Variants in GPC5 observed in about 807,000 individuals in gnomAD.
The protein encoded by GPC5 is glypican 5.
Under a neutral mutation model 53.9 loss-of-function variants are expected in GPC5, and 47 were observed. The ratio of observed to expected loss-of-function variants is 0.87; its 90% CI spans 0.69 to 1.11. GPC5 has a LOEUF of 1.11. GPC5 is among the 50% of genes most tolerant of loss of function. The probability of loss-of-function intolerance (pLI) is 0.00; values close to 1 mark genes in which losing one functional copy is unlikely to be tolerated. For missense variants in GPC5, 748 were observed against 713.1 expected (o/e 1.05, Z -0.56); for synonymous variants, 286 against 263.3 (o/e 1.09, Z -0.84).
intron 7 of GPC5, among the ~76,000 whole-genome samples, chr13:92,267,352 A>G (rs983539211): frequency 1.3e-5 from 2 of 152,056 alleles, no homozygotes; most frequent in Non-Finnish European, 1.5e-5. Flanking sequence ...TCTCATAATA[A>G]TTTCCATCCT....
In GPC5 at chr13:91,592,364, C is replaced by G. The variant is rs189674687; in HGVS notation, c.326-100823C>G. Among the ~76,000 whole-genome samples the G allele has an allele frequency of 1.2e-3, 181 of 152,260 alleles. 1 individual carries two copies. The highest frequency in any genetic ancestry group is 4.2e-3 in the African/African-American group (175 of 41,548). ...GGAGGAAGAGAGGTAACCTCCTCACCAGGTCTGCTCCCGAGCCTTGTCAGA... is the reference window on the plus strand; with the variant it reads ...GGAGGAAGAGAGGTAACCTCCTCACGAGGTCTGCTCCCGAGCCTTGTCAGA... On this transcript the variant is annotated intron_variant, in intron 2 of 7. Coordinates refer to ENST00000377067, the MANE Select transcript of GPC5 (RefSeq NM_004466.6).
intron 7 of GPC5, among the ~76,000 whole-genome samples, chr13:92,627,535 T>G (rs76854222): frequency 6.6e-6 from 1 of 152,208 alleles, no homozygotes. Flanking sequence ...TGCACTAATA[T>G]CTACTGTTGC....
chr13:92,804,254 GTAA>G (rs1486125552), intron 7 of GPC5, among the ~76,000 whole-genome samples: 1 of 151,892 alleles, frequency 6.6e-6, no homozygotes, highest in Non-Finnish European at 1.5e-5. Flanking sequence ...AAGCACCGTG[GTAA>G]TAAACAGGCT....
chr13:91,830,336 T>C (rs2038636340), intron 5 of GPC5, among the ~76,000 whole-genome samples: 1 of 152,094 alleles, frequency 6.6e-6, no homozygotes, highest in Non-Finnish European at 1.5e-5. Flanking sequence ...TGTTATCCTG[T>C]TCTTTTTTCA....
chr13:91,533,846 C>A (rs9589280), intron 2 of GPC5, among the ~76,000 whole-genome samples: 2 of 152,120 alleles, frequency 1.3e-5, no homozygotes, highest in African/African-American at 4.8e-5. Flanking sequence ...ACAACATACT[C>A]CTTCCAAGTC....
At chr13:92,530,261 C>T (rs555158392) in intron 7 of GPC5, among the ~76,000 whole-genome samples, 1 of 152,146 alleles carries the variant, frequency 6.6e-6, no homozygotes, top group South Asian at 2.1e-4. Context: ...TTAAAAAGTG[C>T]TACTTTTTTC....
At chr13:92,195,985 A>G (rs902649972) in intron 7 of GPC5, among the ~76,000 whole-genome samples, 5 of 152,206 alleles carry the variant, frequency 3.3e-5, no homozygotes, top group Non-Finnish European at 4.4e-5. Flanking sequence ...GCCCTTTGGC[A>G]TGGAACTGCC....
At chr13:92,374,879 A>T (rs1298992910) in intron 7 of GPC5, among the ~76,000 whole-genome samples, 1 of 150,626 alleles carries the variant, frequency 6.6e-6, no homozygotes, top group African/African-American at 2.4e-5. Flanking sequence ...GAAAAAAAAA[A>T]TAAAAAAAAA....
chr13:92,544,280 GA>G (rs1489807477), intron 7 of GPC5, among the ~76,000 whole-genome samples: 1 of 152,036 alleles, frequency 6.6e-6, no homozygotes, highest in Non-Finnish European at 1.5e-5. Context: ...AACTGTTTCT[GA>G]AGCCTCATCC....
At position 92,826,291 on chromosome 13, in the gene GPC5, C is replaced by A. The variant is rs78665720; in HGVS notation, c.1562-39991C>A. On this transcript the variant is annotated intron_variant, in intron 7 of 7. Coordinates refer to ENST00000377067, the MANE Select transcript of GPC5 (RefSeq NM_004466.6). ...AGGGAGAATGCCCTCCAAAGAGGAA[C>A]GTGGTCTTTCTTGAAGAACAATTCT... is the stretch of plus-strand genomic sequence containing the variant. Among the ~76,000 whole-genome samples the A allele has an allele frequency of 2.3e-3, 355 of 152,224 alleles. 2 individuals are homozygous for A. The highest frequency in any genetic ancestry group is 7.9e-3 in the African/African-American group (327 of 41,538).
chr13:92,617,932 C>A (rs1047068153), intron 7 of GPC5, among the ~76,000 whole-genome samples: 1 of 152,038 alleles, frequency 6.6e-6, no homozygotes, highest in African/African-American at 2.4e-5. Flanking sequence ...GTGTGCTGCA[C>A]CCGTTAAGAC....
intron 7 of GPC5, among the ~76,000 whole-genome samples, chr13:92,283,651 A>G (rs889567820): frequency 3.9e-5 from 6 of 152,258 alleles, no homozygotes; most frequent in Non-Finnish European, 8.8e-5. Flanking sequence ...TACTGGGTAC[A>G]TAACAAAATG....
chr13:92,450,617 G>T (rs1878022518), intron 7 of GPC5, among the ~76,000 whole-genome samples: 1 of 152,216 alleles, frequency 6.6e-6, no homozygotes, highest in Admixed American at 6.5e-5. Context: ...ACTATGCTTA[G>T]AAGCTGCAGG....
chr13:92,106,462 A>T (rs563460305), intron 6 of GPC5, among the ~76,000 whole-genome samples: 58 of 152,154 alleles, frequency 3.8e-4, no homozygotes, highest in African/African-American at 1.3e-3. Context: ...TCACTTGATA[A>T]GCCTTAAAAA....
At position 91,535,759 on chromosome 13, in the gene GPC5, T is replaced by A. The variant is rs549404720; in HGVS notation, c.325+86837T>A. On this transcript the variant is annotated intron_variant, in intron 2 of 7. Transcript: ENST00000377067. ...CTTTAGGGAGAGGGTAACAGGGAGA[T>A]CCCACCCAGAGGCCTAGTACTTAAC... Among the ~76,000 whole-genome samples, 18 of 152,176 alleles carry A rather than the reference T, an allele frequency of 1.2e-4. 1 individual carries two copies. In the South Asian group the frequency reaches 3.5e-3, roughly 30 times the overall value.
chr13:91,617,035 C>T (rs1001829142), intron 2 of GPC5, among the ~76,000 whole-genome samples: 2 of 152,118 alleles, frequency 1.3e-5, no homozygotes, highest in Non-Finnish European at 2.9e-5. Flanking sequence ...GTCAGATCAA[C>T]TGGATGGATC....
intron 5 of GPC5, among the ~76,000 whole-genome samples, chr13:91,794,130 A>G (rs1473175650): frequency 6.6e-6 from 1 of 152,032 alleles, no homozygotes; most frequent in Non-Finnish European, 1.5e-5. Context: ...CCTCTGTTTT[A>G]TTTTCTGCCT....
intron 5 of GPC5, among the ~76,000 whole-genome samples, chr13:91,785,890 A>G (rs539065): frequency 0.36 from 55,180 of 151,640 alleles, 11,700 homozygotes; most frequent in African/African-American, 0.59. Flanking sequence ...AATTCCAACT[A>G]CTCTCCCTAC....
chr13:91,850,757 A>C (rs2038903741), intron 5 of GPC5, among the ~76,000 whole-genome samples: 1 of 152,030 alleles, frequency 6.6e-6, no homozygotes, highest in Admixed American at 6.6e-5. Context: ...ATGTCTCTAC[A>C]TATGTAGAAA....
Sources: gnomAD v4.1 joint callset for allele counts (sites outside exome capture counted in the v4.1 genomes callset) on GRCh38, gnomAD v4.1.1 for gene constraint, MANE v1.5 for transcripts, NCBI Gene and HGNC (gene_info 2026-07-23, HGNC 2026-07-21) for gene names.